The following B3GALT1 variants were observed in gnomAD, a reference collection of about 807,000 sequenced individuals.
B3GALT1 encodes the protein UDP-Gal:betaGlcNAc beta 1,3-galactosyltransferase, polypeptide 1.
A neutral mutation model predicts 23.2 loss-of-function variants in B3GALT1; 10 were observed. The observed-to-expected ratio is 0.43, with a 90% confidence interval of 0.27 to 0.73. The LOEUF (loss-of-function observed/expected upper bound fraction) is 0.73, where lower values mean the gene tolerates loss of function less well. B3GALT1 is among the 30% of genes least tolerant of loss of function. The pLI is 0.21. For missense variants in B3GALT1, 299 were observed against 405.4 expected, an observed-to-expected ratio of 0.74 and a Z score of 2.25; for synonymous variants, 156 against 141.5, an observed-to-expected ratio of 1.10 and a Z score of -0.73.
At chr2:167,402,070 T>C (rs1698201507) in intron 1 of B3GALT1, among the ~76,000 whole-genome samples, 1 of 152,168 alleles carries the variant, frequency 6.6e-6, no homozygotes, top group African/African-American at 2.4e-5. Flanking sequence ...TCAGATGGCA[T>C]AAATTTGAGT....
At chr2:167,673,196 C>T (rs114850351) in intron 3 of B3GALT1, among the ~76,000 whole-genome samples, 4,477 of 151,986 alleles carry the variant, frequency 0.029, 232 homozygotes, top group African/African-American at 0.1. Context: ...TGGCTTTGTG[C>T]AGAAGGTGAT....
chr2:167,493,532 A>G (rs138247294), intron 2 of B3GALT1, among the ~76,000 whole-genome samples: 3 of 152,344 alleles, frequency 2.0e-5, no homozygotes, highest in African/African-American at 7.2e-5. Flanking sequence ...TTCACAGGGT[A>G]TGGATCTGGT....
At chr2:167,484,023 G>T (rs943064216) in intron 1 of B3GALT1, among the ~76,000 whole-genome samples, 1 of 152,128 alleles carries the variant, frequency 6.6e-6, no homozygotes, top group African/African-American at 2.4e-5. Context: ...CTCCATATGA[G>T]CCCTATTGTC....
chr2:167,409,886 A>G (rs575377468), intron 1 of B3GALT1, among the ~76,000 whole-genome samples: 2 of 152,256 alleles, frequency 1.3e-5, no homozygotes, highest in Admixed American at 1.3e-4. Context: ...TCAAGGATCT[A>G]GAACCAGAAA....
At chr2:167,436,270 C>T (rs1698785512) in intron 1 of B3GALT1, among the ~76,000 whole-genome samples, 1 of 152,122 alleles carries the variant, frequency 6.6e-6, no homozygotes, top group African/African-American at 2.4e-5. Flanking sequence ...AACTGCTCTA[C>T]TCACGGTGTA....
chr2:167,361,579 A>G (rs1697500568), intron 1 of B3GALT1, among the ~76,000 whole-genome samples: 1 of 152,204 alleles, frequency 6.6e-6, no homozygotes, highest in Non-Finnish European at 1.5e-5. Context: ...TAATCCATGA[A>G]CAAAAACTCC....
rs1313597534 is a variant in B3GALT1 at position 167,599,120 on chromosome 2, G to A, written c.-409-47789G>A. On this transcript the variant is annotated intron_variant, in intron 2 of 4. Coordinates refer to ENST00000392690, the MANE Select transcript of B3GALT1 (RefSeq NM_020981.4). ...ACAGCAAGTAGAATTAGGTCTCCTG[G>A]GTTCACAATCCTCACTGCTACAGTA... Among the ~76,000 whole-genome samples, 11 of 152,064 alleles carry A rather than the reference G, an allele frequency of 7.2e-5. No homozygotes were observed. In the East Asian group the frequency reaches 2.1e-3, roughly 29 times the overall value.
intron 1 of B3GALT1, among the ~76,000 whole-genome samples, chr2:167,455,922 C>G (rs963862494): frequency 6.6e-6 from 1 of 152,082 alleles, no homozygotes; most frequent in Non-Finnish European, 1.5e-5. Flanking sequence ...GAGGCCCAAC[C>G]AACACATATA....
chr2:167,577,241 C>G (rs1321972578), intron 2 of B3GALT1, among the ~76,000 whole-genome samples: 1 of 151,852 alleles, frequency 6.6e-6, no homozygotes, highest in Non-Finnish European at 1.5e-5. Context: ...GCACCCTACT[C>G]ATCATACTAC....
At chr2:167,635,284 C>T (rs750506896) in intron 2 of B3GALT1, among the ~76,000 whole-genome samples, 19 of 152,004 alleles carry the variant, frequency 1.2e-4, no homozygotes, top group Non-Finnish European at 2.1e-4. Context: ...CTTTGAAAAC[C>T]GGCACAAGAC....
chr2:167,423,986 G>T (rs559720090), intron 1 of B3GALT1, among the ~76,000 whole-genome samples: 41 of 152,196 alleles, frequency 2.7e-4, no homozygotes, highest in Non-Finnish European at 4.7e-4. Context: ...ATGACAACAC[G>T]TTTTTTAAGC....
intron 3 of B3GALT1, among the ~76,000 whole-genome samples, chr2:167,732,271 G>C (rs1574235567): frequency 6.6e-6 from 1 of 152,172 alleles, no homozygotes; most frequent in Non-Finnish European, 1.5e-5. Flanking sequence ...AAGCTTTATT[G>C]ATATTGTAAA....
At chr2:167,665,942 C>A (rs186471507) in intron 3 of B3GALT1, among the ~76,000 whole-genome samples, 1 of 151,976 alleles carries the variant, frequency 6.6e-6, no homozygotes, top group South Asian at 2.1e-4. Context: ...TTTTGAAGGG[C>A]TTTTTGTGTC....
intron 3 of B3GALT1, among the ~76,000 whole-genome samples, chr2:167,784,616 A>G (rs1207661396): frequency 6.6e-6 from 1 of 152,176 alleles, no homozygotes; most frequent in Non-Finnish European, 1.5e-5. Flanking sequence ...AAACAACCCA[A>G]ATGCTCAACA....
rs111549603 is a variant in B3GALT1 at position 167,375,284 on chromosome 2, CT to C, written c.-511+81953del. Among the ~76,000 whole-genome samples the C allele has an allele frequency of 5.4e-3, 814 of 151,032 alleles. 9 individuals are homozygous for C. Among genetic ancestry groups the C allele is most frequent in the African/African-American group, 0.019 (785 of 41,426 alleles). On this transcript the variant is annotated intron_variant, in intron 1 of 4. Coordinates refer to ENST00000392690, the MANE Select transcript of B3GALT1 (RefSeq NM_020981.4). ...AAGTCAGGTAAAATGGTATGTCTGG[CT>C]TTGGTCTTTTGCTTAGGATTTTTGT...
chr2:167,480,674 CTGCCT>C, intron 1 of B3GALT1, among the ~76,000 whole-genome samples: 1 of 152,208 alleles, frequency 6.6e-6, no homozygotes, highest in East Asian at 1.9e-4. Context: ...TTACCCAGAG[CTGCCT>C]TGCTGACATT....
chr2:167,742,161 A>G (rs1395950650), intron 3 of B3GALT1, among the ~76,000 whole-genome samples: 1 of 152,196 alleles, frequency 6.6e-6, no homozygotes, highest in African/African-American at 2.4e-5. Context: ...TTACTATATC[A>G]GTGTTTTTCA....
At chr2:167,451,807 G>C (rs937376744) in intron 1 of B3GALT1, among the ~76,000 whole-genome samples, 8 of 152,164 alleles carry the variant, frequency 5.3e-5, no homozygotes, top group Non-Finnish European at 1.2e-4. Flanking sequence ...CCATCAGGTG[G>C]GTTCAGGGTG....
In B3GALT1 at chr2:167,715,853, A is replaced by G. The variant is rs1452104006; in HGVS notation, c.-352+68887A>G. 4.3e-6 allele frequency: 7 copies of G among 1,613,826 alleles called. No individual in the cohort carries two copies. The African/African-American group carries it at 5.3e-5, about 12-fold the overall frequency. On this transcript the variant is annotated intron_variant, in intron 3 of 4. Coordinates refer to ENST00000392690, the MANE Select transcript of B3GALT1 (RefSeq NM_020981.4). ...ACCAAGTTTTTTTCTCTCTTCCCACATAAAGCCGACTCCTAACCGATCTAA... is the reference window on the plus strand; with the variant it reads ...ACCAAGTTTTTTTCTCTCTTCCCACGTAAAGCCGACTCCTAACCGATCTAA...
Sources: gnomAD v4.1 joint callset for allele counts (sites outside exome capture counted in the v4.1 genomes callset) on GRCh38, gnomAD v4.1.1 for gene constraint, MANE v1.5 for transcripts, NCBI Gene and HGNC (gene_info 2026-07-23, HGNC 2026-07-21) for gene names.